Variants in PTPRN2 observed in about 807,000 individuals in gnomAD.
The protein encoded by PTPRN2 is protein tyrosine phosphatase receptor type N2.
In PTPRN2, 74 loss-of-function variants were observed where a neutral mutation model predicts 118.8. The ratio of observed to expected loss-of-function variants is 0.62; its 90% CI spans 0.52 to 0.76. The LOEUF (loss-of-function observed/expected upper bound fraction) is 0.76. Among genes scored for constraint, PTPRN2 ranks in the 30% least tolerant of loss-of-function variants. PTPRN2 has a pLI of 0.00. For missense variants in PTPRN2, 1,481 were observed against 1,394.4 expected (o/e 1.06, Z -0.99); for synonymous variants, 641 against 608.0 (o/e 1.05, Z -0.80).
At position 158,015,680 on chromosome 7, in the gene PTPRN2, C is replaced by G. The variant is rs539248729; in HGVS notation, c.1723+65618G>C. Among the ~76,000 whole-genome samples the G allele has an allele frequency of 8.5e-4, 130 of 152,276 alleles. 1 individual carries two copies. The highest frequency in any genetic ancestry group is 2.1e-3 in the South Asian group (10 of 4,818). On this transcript the variant is annotated intron_variant, in intron 11 of 22. Transcript: ENST00000389418. This position sits in a 1 kb window ranked among gnomAD's most constrained non-coding sequence, Gnocchi z 4.2. ...ATTTTTGCCAGTAGCAGAGAACGTA[C>G]GAGGTCTTTCTTCCTATTTTCTGCA...
chr7:157,696,733 C>T (rs1416424100), intron 12 of PTPRN2, among the ~76,000 whole-genome samples: 4 of 148,910 alleles, frequency 2.7e-5, no homozygotes, highest in African/African-American at 9.9e-5. Context: ...AGAGCCCTCA[C>T]CGTCTACCCA....
At chr7:158,147,940 CAATG>C (rs1820361032) in intron 6 of PTPRN2, among the ~76,000 whole-genome samples, 1 of 124,178 alleles carries the variant, frequency 8.1e-6, no homozygotes. Context: ...CTTTCCCCCT[CAATG>C]ACACCCCATC....
intron 12 of PTPRN2, among the ~76,000 whole-genome samples, chr7:157,846,461 C>T (rs1808808136): frequency 6.6e-6 from 1 of 151,962 alleles, no homozygotes; most frequent in Non-Finnish European, 1.5e-5. Context: ...CACCCTTTCC[C>T]CTCCCCTGGG....
intron 14 of PTPRN2, among the ~76,000 whole-genome samples, chr7:157,650,201 C>T (rs771552833): frequency 2.6e-5 from 4 of 152,318 alleles, no homozygotes; most frequent in Non-Finnish European, 4.4e-5. Flanking sequence ...CATGGGGCTC[C>T]GTGCCTGGTC....
intron 14 of PTPRN2, among the ~76,000 whole-genome samples, chr7:157,648,476 C>CAT (rs1805297245): frequency 4.0e-5 from 2 of 50,242 alleles, no homozygotes; most frequent in Admixed American, 2.3e-4. Context: ...ACCCATCCAG[C>CAT]GTGCACTGAA....
intron 13 of PTPRN2, among the ~76,000 whole-genome samples, chr7:157,679,804 G>GC (rs1796835941): frequency 1.3e-5 from 2 of 152,104 alleles, no homozygotes; most frequent in African/African-American, 4.8e-5. Flanking sequence ...CAACATGAGG[G>GC]CCCCCCAGGT....
chr7:157,975,127 T>A (rs947721718), intron 11 of PTPRN2, among the ~76,000 whole-genome samples: 1 of 152,060 alleles, frequency 6.6e-6, no homozygotes, highest in Admixed American at 6.5e-5. Context: ...GGGACCTCGA[T>A]CTTGGCTTCC....
rs1806361844 is a variant in PTPRN2, at chr7:158,015,265, G to C, written c.1723+66033C>G. ...TCTAGTGATTTGGTTGTTGATCTTT[G>C]AACTTCTCTAAGCCATTATACCTTT... On this transcript the variant is annotated intron_variant, in intron 11 of 22. Coordinates refer to ENST00000389418, the MANE Select transcript of PTPRN2 (RefSeq NM_002847.5). This position sits in a 1 kb window ranked among gnomAD's most constrained non-coding sequence, Gnocchi z 4.2. Among the ~76,000 whole-genome samples, 1 of 152,178 alleles carries C rather than the reference G, an allele frequency of 6.6e-6. No homozygotes were observed. Among genetic ancestry groups the C allele is most frequent in the Non-Finnish European group, 1.5e-5 (1 of 68,036 alleles).
chr7:157,889,389 A>G (rs766019128), intron 12 of PTPRN2, among the ~76,000 whole-genome samples: 2 of 152,082 alleles, frequency 1.3e-5, no homozygotes, highest in Non-Finnish European at 2.9e-5. Flanking sequence ...CCTGATATCC[A>G]CCAAGTGCCT....
At chr7:158,087,365 G>C (rs1813508309) in intron 10 of PTPRN2, among the ~76,000 whole-genome samples, 2 of 152,244 alleles carry the variant, frequency 1.3e-5, no homozygotes, top group South Asian at 4.1e-4. Context: ...GGCCACGTCA[G>C]GGTAGATCTT....
At chr7:157,854,314 C>T (rs896156673) in intron 12 of PTPRN2, among the ~76,000 whole-genome samples, 2 of 152,236 alleles carry the variant, frequency 1.3e-5, no homozygotes, top group Admixed American at 1.3e-4. Context: ...CCACCCTCAG[C>T]TCTGGGACAA....
At position 157,615,120 on chromosome 7, in the gene PTPRN2, G is replaced by A. The variant is rs371233183; in HGVS notation, c.2344+6242C>T. Among the ~76,000 whole-genome samples the A allele has an allele frequency of 3.6e-4, 55 of 152,356 alleles. 1 individual carries two copies. The highest frequency in any genetic ancestry group is 1.3e-3 in the African/African-American group (54 of 41,580). On this transcript the variant is annotated intron_variant, in intron 15 of 22. Coordinates refer to ENST00000389418, the MANE Select transcript of PTPRN2 (RefSeq NM_002847.5). The surrounding 1 kb of genome is among the most constrained non-coding windows in gnomAD (Gnocchi z 4.3). Reference sequence around the variant, plus strand: ...CAGCCAGAAAATAAATGAAGTGCTCGCAGGTCACGCTAATACGGCCAACAC... The same window carrying A: ...CAGCCAGAAAATAAATGAAGTGCTCACAGGTCACGCTAATACGGCCAACAC...
intron 4 of PTPRN2, among the ~76,000 whole-genome samples, chr7:158,196,472 C>T (rs1826220253): frequency 6.6e-6 from 1 of 152,190 alleles, no homozygotes; most frequent in Admixed American, 6.5e-5. Flanking sequence ...GGTCTGCATC[C>T]CACACTGGTC....
At chr7:158,009,711 G>T (rs1398226150) in intron 11 of PTPRN2, among the ~76,000 whole-genome samples, 1 of 152,142 alleles carries the variant, frequency 6.6e-6, no homozygotes, top group Non-Finnish European at 1.5e-5. Flanking sequence ...TCCTGCCTGG[G>T]CACAGCTCTT....
At chr7:158,190,193 C>A (rs1215744534) in intron 5 of PTPRN2, among the ~76,000 whole-genome samples, 1 of 152,180 alleles carries the variant, frequency 6.6e-6, no homozygotes, top group Admixed American at 6.5e-5. Context: ...GCCACTACCC[C>A]TGGTTTACAG....
At chr7:157,586,771 C>T (rs1217362465) in intron 17 of PTPRN2, among the ~76,000 whole-genome samples, 4 of 152,108 alleles carry the variant, frequency 2.6e-5, no homozygotes, top group African/African-American at 7.2e-5. Flanking sequence ...GTTGGACACT[C>T]GGTCTGTCCG....
chr7:157,793,533 G>A (rs751325561), intron 12 of PTPRN2, among the ~76,000 whole-genome samples: 5 of 152,184 alleles, frequency 3.3e-5, no homozygotes, highest in Non-Finnish European at 5.9e-5. Context: ...AGGGCGGGGC[G>A]TGGTGCCTCT....
chr7:158,526,853 A>T lies in PTPRN2; in HGVS notation c.113-37068T>A, dbSNP rs887742089. Reference sequence around the variant, plus strand: ...TCATCTTGGACTTTCGGCCTCCAGGACTCAGAAATGTCTGTTGTTTGCTAA... The same window carrying T: ...TCATCTTGGACTTTCGGCCTCCAGGTCTCAGAAATGTCTGTTGTTTGCTAA... On this transcript the variant is annotated intron_variant, in intron 1 of 22. Transcript: ENST00000389418. This position sits in a 1 kb window ranked among gnomAD's most constrained non-coding sequence, Gnocchi z 5.2. Among the ~76,000 whole-genome samples the T allele has an allele frequency of 6.6e-5, 10 of 151,964 alleles. No individual in the cohort carries two copies. The highest frequency in any genetic ancestry group is 2.4e-4 in the African/African-American group (10 of 41,386).
At chr7:157,726,714 A>G (rs1348169319) in intron 12 of PTPRN2, among the ~76,000 whole-genome samples, 2 of 152,242 alleles carry the variant, frequency 1.3e-5, no homozygotes, top group Non-Finnish European at 2.9e-5. Flanking sequence ...GAGCGAAAAG[A>G]CAACCCATAT....
Sources: gnomAD v4.1 joint callset for allele counts (sites outside exome capture counted in the v4.1 genomes callset) on GRCh38, gnomAD v4.1.1 for gene constraint, Gnocchi (gnomAD v3.1) non-coding constraint, MANE v1.5 for transcripts, NCBI Gene and HGNC (gene_info 2026-07-23, HGNC 2026-07-21) for gene names.